The following KCNIP4 variants were observed in gnomAD, a reference collection of about 807,000 sequenced individuals.
KCNIP4 encodes Kv channel-interacting protein 4.
KCNIP4 carries 12 observed loss-of-function variants against 34.0 expected under a neutral mutation model. That is an observed-to-expected ratio of 0.35 (90% CI 0.23 to 0.57). The LOEUF is 0.57. Among genes scored for constraint, KCNIP4 ranks in the 20% least tolerant of loss-of-function variants. The pLI is 0.83. For missense variants in KCNIP4, 238 were observed against 311.7 expected (o/e 0.76, Z 1.78); for synonymous variants, 124 against 102.2 (o/e 1.21, Z -1.29).
At chr4:20,843,104 C>T (rs530518451) in intron 3 of KCNIP4, among the ~76,000 whole-genome samples, 6 of 151,998 alleles carry the variant, frequency 3.9e-5, no homozygotes, top group Admixed American at 6.6e-5. Context: ...TATGGGGTTT[C>T]GCCATGTTGG....
At chr4:21,015,649 GTATATTGTATT>G in intron 1 of KCNIP4, among the ~76,000 whole-genome samples, 1 of 113,552 alleles carries the variant, frequency 8.8e-6, no homozygotes, top group Non-Finnish European at 1.6e-5. Flanking sequence ...ATATAATATA[GTATATTGTATT>G]AATATAATAT....
At chr4:21,192,348 C>T (rs1208391632) in intron 1 of KCNIP4, among the ~76,000 whole-genome samples, 1 of 152,132 alleles carries the variant, frequency 6.6e-6, no homozygotes, top group East Asian at 1.9e-4. Context: ...TAGAAACATT[C>T]TAAGATAAAC....
At chr4:21,257,749 C>CA (rs34379604) in intron 1 of KCNIP4, among the ~76,000 whole-genome samples, 143 of 103,476 alleles carry the variant, frequency 1.4e-3, no homozygotes, top group East Asian at 2.2e-3. Context: ...GACTCAGTCT[C>CA]AAAAAAAAAA....
At chr4:21,736,037 G>A (rs545849069) in intron 1 of KCNIP4, among the ~76,000 whole-genome samples, 47 of 152,176 alleles carry the variant, frequency 3.1e-4, no homozygotes, top group Non-Finnish European at 5.7e-4. Context: ...AAAGCTGTTA[G>A]AGACGGCGTG....
intron 1 of KCNIP4, among the ~76,000 whole-genome samples, chr4:20,996,460 C>T (rs529107855): frequency 4.3e-4 from 65 of 152,300 alleles, no homozygotes; most frequent in African/African-American, 1.4e-3. Flanking sequence ...GTTCTCTGCC[C>T]ACATAGTCTT....
Position 21,051,292 on chromosome 4 carries a change from C to T in KCNIP4, c.62-168583G>A, listed in dbSNP as rs561122544. Among the ~76,000 whole-genome samples the T allele has an allele frequency of 2.3e-4, 35 of 152,288 alleles. 1 individual carries two copies. In the South Asian group the frequency reaches 3.5e-3, roughly 15 times the overall value. ...CTACATTTAAGTTTTGATAGATAAGCAAGGTAAATGGCAAGTCCAGCAGTA... is the reference window on the plus strand; with the variant it reads ...CTACATTTAAGTTTTGATAGATAAGTAAGGTAAATGGCAAGTCCAGCAGTA... On this transcript the variant is annotated intron_variant, in intron 1 of 8. Transcript: ENST00000382152.
chr4:21,034,214 C>T (rs1418985894), intron 1 of KCNIP4, among the ~76,000 whole-genome samples: 4 of 152,140 alleles, frequency 2.6e-5, no homozygotes, highest in Non-Finnish European at 5.9e-5. Flanking sequence ...GTTCCTTCCC[C>T]CTAAACCCTA....
At chr4:20,875,399 C>T (rs1357053421) in intron 2 of KCNIP4, among the ~76,000 whole-genome samples, 2 of 152,092 alleles carry the variant, frequency 1.3e-5, no homozygotes, top group Non-Finnish European at 2.9e-5. Context: ...ATCCTGTCCA[C>T]CTTACAGAGT....
intron 1 of KCNIP4, among the ~76,000 whole-genome samples, chr4:21,389,790 A>G (rs1254192522): frequency 3.9e-5 from 6 of 151,974 alleles, no homozygotes; most frequent in Admixed American, 3.3e-4. Flanking sequence ...ATAGCAGCAT[A>G]ATTTATAATC....
chr4:20,785,945 T>A (rs1711926173), intron 3 of KCNIP4, among the ~76,000 whole-genome samples: 1 of 152,060 alleles, frequency 6.6e-6, no homozygotes, highest in Admixed American at 6.6e-5. Flanking sequence ...ATACCATTAC[T>A]GGGTATATAC....
At chr4:21,864,165 T>C (rs535802548) in intron 1 of KCNIP4, among the ~76,000 whole-genome samples, 1 of 152,356 alleles carries the variant, frequency 6.6e-6, no homozygotes, top group South Asian at 2.1e-4. Flanking sequence ...CAGCACACTT[T>C]CTCACTATGA....
chr4:21,932,292 A>C (rs998042867), intron 1 of KCNIP4, among the ~76,000 whole-genome samples: 7 of 152,114 alleles, frequency 4.6e-5, no homozygotes, highest in African/African-American at 1.7e-4. Flanking sequence ...ATTTGCCACT[A>C]ACAAAAAAGG....
intron 1 of KCNIP4, among the ~76,000 whole-genome samples, chr4:21,331,285 C>T (rs1007178165): frequency 1.3e-5 from 2 of 152,006 alleles, no homozygotes; most frequent in Non-Finnish European, 2.9e-5. Context: ...TGAAATTTCC[C>T]TCAAGATGCT....
chr4:21,088,499 A>C lies in KCNIP4; in HGVS notation c.62-205790T>G, dbSNP rs112282871. Among the ~76,000 whole-genome samples, 651 of 152,286 alleles carry C rather than the reference A, an allele frequency of 4.3e-3. 4 individuals carry two copies. The highest frequency in any genetic ancestry group is 0.015 in the African/African-American group (621 of 41,556). ...GACCACAAGATATCAACAAAAAGCA[A>C]AACTTATGATATCAATCTCTTCCAT... On this transcript the variant is annotated intron_variant, in intron 1 of 8. Transcript: ENST00000382152.
At chr4:21,381,751 C>T (rs1721527408) in intron 1 of KCNIP4, among the ~76,000 whole-genome samples, 2 of 152,068 alleles carry the variant, frequency 1.3e-5, no homozygotes, top group East Asian at 1.9e-4. Context: ...TTTGGAATTA[C>T]CAAGGAATAA....
chr4:21,257,894 G>C (rs186153161), intron 1 of KCNIP4, among the ~76,000 whole-genome samples: 10 of 152,296 alleles, frequency 6.6e-5, no homozygotes, highest in African/African-American at 2.2e-4. Context: ...ATAGCCATAA[G>C]AAAGAGCTGA....
chr4:21,694,433 T>C (rs1438499388), intron 1 of KCNIP4, among the ~76,000 whole-genome samples: 1 of 152,162 alleles, frequency 6.6e-6, no homozygotes, highest in Non-Finnish European at 1.5e-5. Flanking sequence ...ACAAATAAAC[T>C]TTTAAAAAGC....
intron 1 of KCNIP4, among the ~76,000 whole-genome samples, chr4:21,894,169 T>TA (rs1465885800): frequency 1.3e-5 from 2 of 151,620 alleles, no homozygotes; most frequent in Non-Finnish European, 2.9e-5. Context: ...CTGTCTCTAC[T>TA]AAAAATACAA....
chr4:21,501,688 T>TGTGTGTGTGTGTGTGTGTG (rs1553893355), intron 1 of KCNIP4, among the ~76,000 whole-genome samples: 1 of 127,218 alleles, frequency 7.9e-6, no homozygotes, highest in Non-Finnish European at 1.7e-5. Flanking sequence ...TGCAGAAGCC[T>TGTGTGTGTGTGTGTGTGTG]TGTGTGTGTG....
Sources: allele counts gnomAD v4.1 joint callset (sites outside exome capture counted in the v4.1 genomes callset), GRCh38; gene constraint gnomAD v4.1.1; transcripts MANE v1.5; gene names NCBI Gene and HGNC (gene_info 2026-07-23, HGNC 2026-07-21).